The following TMEM229B variants were observed in gnomAD, a reference collection of about 807,000 sequenced individuals.
TMEM229B encodes chromosome 14 open reading frame 83.
A neutral mutation model predicts 13.7 loss-of-function variants in TMEM229B; 6 were observed. The observed-to-expected ratio is 0.44, with a 90% CI of 0.24 to 0.86. TMEM229B has a LOEUF of 0.86. TMEM229B is among the 40% of genes least tolerant of loss of function. The pLI is 0.23. For missense variants in TMEM229B, 170 were observed against 236.0 expected (o/e 0.72, Z 1.83); for synonymous variants, 107 against 102.1 (o/e 1.05, Z -0.29).
At chr14:67,481,856 C>A (rs919510412) in intron 2 of TMEM229B, among the ~76,000 whole-genome samples, 2 of 152,190 alleles carry the variant, frequency 1.3e-5, no homozygotes, top group African/African-American at 2.4e-5. Flanking sequence ...CTCAGGGGAC[C>A]TTGGCTTCTT....
chr14:67,493,635 C>T (rs960870800), upstream of TMEM229B, among the ~76,000 whole-genome samples: 1 of 152,148 alleles, frequency 6.6e-6, no homozygotes, highest in Admixed American at 6.5e-5. Context: ...CAATACCCTG[C>T]CTGTTGGGGT....
rs1012975295 is a variant in TMEM229B at position 67,470,606 on chromosome 14, G to T, written c.*2814C>A. On this transcript the variant is annotated 3_prime_UTR_variant, in exon 3 of 3. Transcript: ENST00000554480. ...TTCTCATGAACTGACCCACTCAGCAGCTGCCTCCCCAGGAGACCCACGCAG... is the reference window on the plus strand; with the variant it reads ...TTCTCATGAACTGACCCACTCAGCATCTGCCTCCCCAGGAGACCCACGCAG... The T allele has an allele frequency of 1.3e-5, 2 of 152,950 alleles. No homozygotes were observed. Among genetic ancestry groups the T allele is most frequent in the Non-Finnish European group, 2.9e-5 (2 of 68,288 alleles). The allele number at this position is 152,950 out of a possible 1,614,324, so 9.5% of individuals were successfully genotyped here. A position where few individuals can be genotyped will look rare whatever the true frequency, so the allele number is the denominator to read the frequency against.
chr14:67,501,592 G>A (rs1442455883), intron 1 of TMEM229B, among the ~76,000 whole-genome samples: 1 of 152,118 alleles, frequency 6.6e-6, no homozygotes, highest in Admixed American at 6.6e-5. Context: ...TAGTTATATT[G>A]GAGCCAGGGC....
chr14:67,510,807 G>T (rs1194389580), intron 1 of TMEM229B, among the ~76,000 whole-genome samples: 1 of 152,186 alleles, frequency 6.6e-6, no homozygotes, highest in East Asian at 1.9e-4. Context: ...GATGGGGGTT[G>T]TCAGTGGGCT....
chr14:67,515,714 G>A (rs2033185986), upstream of TMEM229B, among the ~76,000 whole-genome samples: 1 of 152,204 alleles, frequency 6.6e-6, no homozygotes, highest in Non-Finnish European at 1.5e-5. Context: ...TGTCAGGCCC[G>A]GAGCTTGTAG....
chr14:67,531,129 A>G (rs1362371133), intron 1 of TMEM229B, among the ~76,000 whole-genome samples: 2 of 152,140 alleles, frequency 1.3e-5, no homozygotes, highest in African/African-American at 2.4e-5. Flanking sequence ...TATCCAAAGA[A>G]AGGGGCTCTA....
At chr14:67,483,757 C>T (rs2031724368) in intron 2 of TMEM229B, among the ~76,000 whole-genome samples, 1 of 152,226 alleles carries the variant, frequency 6.6e-6, no homozygotes, top group Non-Finnish European at 1.5e-5. Context: ...TCCTGGGAGT[C>T]TCAGATGGCC....
chr14:67,499,922 G>T (rs145164010), intron 1 of TMEM229B, among the ~76,000 whole-genome samples: 3 of 152,134 alleles, frequency 2.0e-5, no homozygotes, highest in Non-Finnish European at 4.4e-5. Flanking sequence ...TGGGGGCTGC[G>T]GATTAAGGAG....
At chr14:67,519,547 G>A (rs1409360248), upstream of TMEM229B, among the ~76,000 whole-genome samples, 5 of 152,100 alleles carry the variant, frequency 3.3e-5, no homozygotes, top group African/African-American at 9.7e-5. Context: ...TCTGGTGTAA[G>A]CCCTACTAGG....
At chr14:67,524,057 C>G (rs2033330804) in intron 1 of TMEM229B, among the ~76,000 whole-genome samples, 1 of 152,166 alleles carries the variant, frequency 6.6e-6, no homozygotes, top group Non-Finnish European at 1.5e-5. Context: ...ACTGGCCGCT[C>G]AGAGACCCAC....
At chr14:67,511,122 A>T (rs544177472) in intron 1 of TMEM229B, among the ~76,000 whole-genome samples, 2 of 152,262 alleles carry the variant, frequency 1.3e-5, no homozygotes, top group African/African-American at 4.8e-5. Context: ...AGCTCATGTG[A>T]CAGGGGTGCC....
chr14:67,496,649 TTC>T (rs554200954), intron 1 of TMEM229B, among the ~76,000 whole-genome samples: 13 of 150,366 alleles, frequency 8.6e-5, no homozygotes, highest in Admixed American at 2.0e-4. Context: ...TTTTCTTTCT[TTC>T]TCTCTCTCTC....
At chr14:67,481,720 G>A (rs1027651627) in intron 2 of TMEM229B, among the ~76,000 whole-genome samples, 1 of 152,172 alleles carries the variant, frequency 6.6e-6, no homozygotes, top group Non-Finnish European at 1.5e-5. Context: ...GGGCCTGACA[G>A]GCCTCTATTC....
In TMEM229B at chr14:67,513,257, C is replaced by T. The variant is rs76149837; in HGVS notation, c.-192+1829G>A. Among the ~76,000 whole-genome samples the T allele has an allele frequency of 9.0e-3, 1,377 of 152,318 alleles. 9 individuals carry two copies. The highest frequency in any genetic ancestry group is 0.048 in the Middle Eastern group (14 of 292). On this transcript the variant is annotated intron_variant, in intron 1 of 2. Coordinates refer to the TMEM229B transcript ENST00000357461. ...CTCCGAATAAATAGCTTGGGACAAA[C>T]CAATAAAGCCGCTCCAGTGGGGAAT...
upstream of TMEM229B, among the ~76,000 whole-genome samples, chr14:67,492,091 C>T (rs1490499618): frequency 3.9e-5 from 6 of 152,224 alleles, no homozygotes; most frequent in African/African-American, 1.2e-4. Context: ...CCCCTTCCTC[C>T]TCCCCATCTA....
chr14:67,473,494 A>C lies in TMEM229B; in HGVS notation c.430T>G (p.Phe144Val). Residue 144 changes from phenylalanine (F) to valine (V), a missense_variant, in exon 3 of 3, where the codon TTC (phenylalanine) becomes GTC (valine). Phe to Val is a conservative substitution (Grantham distance 50, BLOSUM62 -1). This residue lies in a region of TMEM229B where 70 missense variants were observed against 60.9 expected (regional missense o/e 1.15). Coordinates refer to ENST00000554480, the MANE Select transcript of TMEM229B (RefSeq NM_001348543.2). This position sits in a 1 kb window ranked among gnomAD's most constrained non-coding sequence, Gnocchi z 6.5. ...TCCCCGGGCTCAGCGTCCTTGTCGA[A>C]GCGGAGGCGGAGGGTGTTGCGGATG... ...FIIRNTLRLR[F>V]DKDAEPGEPS... 6.2e-7 allele frequency: 1 copy of C among 1,614,156 alleles called. No individual in the cohort carries two copies. The highest frequency in any genetic ancestry group is 8.5e-7 in the Non-Finnish European group (1 of 1,180,030).
At chr14:67,483,406 G>A (rs2031701359) in intron 2 of TMEM229B, among the ~76,000 whole-genome samples, 1 of 152,148 alleles carries the variant, frequency 6.6e-6, no homozygotes, top group African/African-American at 2.4e-5. Context: ...ACACTGCACT[G>A]CCCCCGAGGC....
At chr14:67,516,036 G>A (rs1020453826), upstream of TMEM229B, among the ~76,000 whole-genome samples, 7 of 152,192 alleles carry the variant, frequency 4.6e-5, no homozygotes, top group African/African-American at 1.4e-4. Flanking sequence ...TTTATTGGGA[G>A]GTGGAAAATA....
At chr14:67,533,492 A>G (rs7155887) in intron 1 of TMEM229B, 95,489 of 151,700 alleles carry the variant, frequency 0.63, 30,419 homozygotes, top group Non-Finnish European at 0.67. Flanking sequence ...CCTCGGGCCC[A>G]GAGGACGATC....
Sources: gnomAD v4.1 joint callset for allele counts (sites outside exome capture counted in the v4.1 genomes callset) on GRCh38, gnomAD v4.1.1 for gene constraint, gnomAD v4.1.1 regional missense constraint, Gnocchi (gnomAD v3.1) non-coding constraint, MANE v1.5 for transcripts, NCBI Gene and HGNC (gene_info 2026-07-23, HGNC 2026-07-21) for gene names.